SUMF1: variants seen among roughly 807,000 people sequenced by gnomAD.
The protein encoded by SUMF1 is formylglycine-generating enzyme.
A neutral mutation model predicts 47.6 loss-of-function variants in SUMF1; 48 were observed. The ratio of observed to expected loss-of-function variants is 1.01; its 90% CI spans 0.80 to 1.28. The LOEUF (loss-of-function observed/expected upper bound fraction) is 1.28. Ranked by LOEUF, SUMF1 falls within the 50% of genes most tolerant of loss-of-function variation. The pLI, the probability that SUMF1 is intolerant of heterozygous loss-of-function variation, is 0.00. For missense variants in SUMF1, 571 were observed against 485.4 expected, an observed-to-expected ratio of 1.18 and a Z score of -1.66; for synonymous variants, 230 against 192.1, an observed-to-expected ratio of 1.20 and a Z score of -1.63.
At chr3:4,091,094 A>C (rs1445499386) in intron 8 of SUMF1, among the ~76,000 whole-genome samples, 1 of 141,602 alleles carries the variant, frequency 7.1e-6, no homozygotes, top group Non-Finnish European at 1.5e-5. Context: ...CAACAACAAC[A>C]ACAAAAAAAA....
At chr3:4,127,327 T>G (rs1693677420) in intron 8 of SUMF1, among the ~76,000 whole-genome samples, 1 of 152,146 alleles carries the variant, frequency 6.6e-6, no homozygotes, top group Non-Finnish European at 1.5e-5. Context: ...TTGATCGGAA[T>G]GAAGAATACA....
At position 4,423,102 on chromosome 3, in the gene SUMF1, T is replaced by C. The variant is rs571616890; in HGVS notation, c.520-2956A>G. 3.2e-4 allele frequency among the ~76,000 whole-genome samples: 48 copies of C among 152,298 alleles called. 1 individual carries two copies. The highest frequency in any genetic ancestry group is 1.2e-3 in the African/African-American group (48 of 41,574). On this transcript the variant is annotated intron_variant, in intron 3 of 8. Transcript: ENST00000272902. ...AGAGCGTGGAGATTCCCTAAGGAAC[T>C]AAAAGTAGAACTACCACTTGATCCA...
At chr3:4,410,754 A>T in intron 7 of SUMF1, 111 bp downstream of exon 7, 2 of 952,660 alleles carry the variant, frequency 2.1e-6, no homozygotes, top group Non-Finnish European at 3.4e-6. Flanking sequence ...TCCCAAGATT[A>T]ATTTCCAGAG....
chr3:4,267,452 G>T (rs1692885076), intron 8 of SUMF1, among the ~76,000 whole-genome samples: 2 of 152,190 alleles, frequency 1.3e-5, no homozygotes, highest in African/African-American at 4.8e-5. Flanking sequence ...GTTTAGTCTT[G>T]GGAGAGTGTA....
intron 8 of SUMF1, among the ~76,000 whole-genome samples, chr3:4,271,441 C>T (rs1413502375): frequency 6.6e-6 from 1 of 151,528 alleles, no homozygotes; most frequent in Non-Finnish European, 1.5e-5. Flanking sequence ...TAAAAATCTA[C>T]TCTATTCAAA....
chr3:4,393,044 C>T (rs1700926654), intron 7 of SUMF1, among the ~76,000 whole-genome samples: 1 of 152,092 alleles, frequency 6.6e-6, no homozygotes, highest in Non-Finnish European at 1.5e-5. Context: ...TTGGGTCTTC[C>T]CTGCTTATGT....
intron 8 of SUMF1, among the ~76,000 whole-genome samples, chr3:4,257,152 T>G (rs1480717812): frequency 5.8e-5 from 1 of 17,170 alleles, no homozygotes; most frequent in African/African-American, 3.1e-4. Context: ...ACAGCCAATA[T>G]CATACTGAAT....
chr3:4,385,234 G>C (rs1158827409), intron 7 of SUMF1, among the ~76,000 whole-genome samples: 1 of 152,172 alleles, frequency 6.6e-6, no homozygotes, highest in Non-Finnish European at 1.5e-5. Flanking sequence ...CAGAATGGCT[G>C]TACTCTGTCA....
rs1488099357 is a variant in SUMF1 at position 4,351,913 on chromosome 3, C to T, written c.1014+24417G>A. 3.3e-5 allele frequency among the ~76,000 whole-genome samples: 5 copies of T among 152,098 alleles called. No individual in the cohort carries two copies. The East Asian group carries it at 7.7e-4, about 23-fold the overall frequency. ...ATTGTACCTTTTCTAGAAGTACTTG[C>T]ACATAATTTTCAAAATCTGAAGAAG... On this transcript the variant is annotated intron_variant and NMD_transcript_variant, in intron 8 of 12. Transcript: ENST00000448413.
intron 8 of SUMF1, among the ~76,000 whole-genome samples, chr3:4,244,743 C>G (rs1258152961): frequency 3.3e-5 from 5 of 152,038 alleles, no homozygotes; most frequent in African/African-American, 1.2e-4. Context: ...CTTCAGGTTC[C>G]TATTCTCGTG....
rs936047948 is a variant in SUMF1, at chr3:4,165,871, C to CAA, written c.1015-97127_1015-97126insTT. Among the ~76,000 whole-genome samples the CAA allele has an allele frequency of 3.4e-5, 5 of 146,892 alleles. No individual in the cohort carries two copies. In the South Asian group the frequency reaches 7.0e-4, roughly 21 times the overall value. ...TTTTGATTTGTTTGTTTCCCCCCCC[C>CAA]CCCCGAGCAAGAACCTGCAATGGTC... is the stretch of plus-strand genomic sequence containing the variant. On this transcript the variant is annotated intron_variant and NMD_transcript_variant, in intron 8 of 12. Coordinates refer to the SUMF1 transcript ENST00000448413.
At chr3:4,226,054 T>C (rs543865844) in intron 8 of SUMF1, among the ~76,000 whole-genome samples, 6 of 152,000 alleles carry the variant, frequency 3.9e-5, no homozygotes, top group Non-Finnish European at 8.8e-5. Context: ...TCTACCATGA[T>C]TCCCTCAACT....
chr3:4,442,318 C>T (rs952922542), intron 3 of SUMF1, among the ~76,000 whole-genome samples: 2 of 150,564 alleles, frequency 1.3e-5, no homozygotes, highest in Non-Finnish European at 3.0e-5. Context: ...TGCGGTGGCG[C>T]GATCTCGGCT....
intron 8 of SUMF1, among the ~76,000 whole-genome samples, chr3:4,115,174 T>C (rs1296217037): frequency 1.3e-5 from 2 of 152,034 alleles, no homozygotes; most frequent in African/African-American, 4.8e-5. Flanking sequence ...ACCAGTGGAC[T>C]CTGGCAGGCC....
At chr3:4,198,869 GA>G (rs954110369) in intron 8 of SUMF1, among the ~76,000 whole-genome samples, 4 of 147,510 alleles carry the variant, frequency 2.7e-5, no homozygotes, top group African/African-American at 7.5e-5. Flanking sequence ...TGTCCAAAAA[GA>G]AAAAAAAAGA....
At chr3:4,191,345 C>T (rs528038326) in intron 8 of SUMF1, among the ~76,000 whole-genome samples, 24 of 152,144 alleles carry the variant, frequency 1.6e-4, no homozygotes, top group African/African-American at 5.3e-4. Flanking sequence ...AAGAAACAAA[C>T]GAGGTGTGTT....
chr3:4,431,838 G>A (rs751266565), intron 3 of SUMF1, among the ~76,000 whole-genome samples: 1 of 152,120 alleles, frequency 6.6e-6, no homozygotes, highest in Non-Finnish European at 1.5e-5. Context: ...GCATAATTAA[G>A]AGCATCCCAT....
At chr3:4,365,686 T>C (rs1463184792) in intron 8 of SUMF1, among the ~76,000 whole-genome samples, 2 of 146,770 alleles carry the variant, frequency 1.4e-5, no homozygotes, top group Non-Finnish European at 3.0e-5. Context: ...CCAGTCTGTG[T>C]CTTTTAATTG....
At position 4,333,401 on chromosome 3, in the gene SUMF1, T is replaced by C. The variant is rs867284342; in HGVS notation, c.1014+42929A>G. 1.1e-4 allele frequency among the ~76,000 whole-genome samples: 17 copies of C among 152,274 alleles called. 1 individual carries two copies. In the South Asian group the frequency reaches 1.9e-3, roughly 17 times the overall value. On this transcript the variant is annotated intron_variant and NMD_transcript_variant, in intron 8 of 12. Transcript: ENST00000448413. ...CATCCTCAGGGGGGTGTCAGGGAAC[T>C]CACTCTCCCGCCTCATCGGGTGGAA...
Sources: gnomAD v4.1 joint callset for allele counts (sites outside exome capture counted in the v4.1 genomes callset) on GRCh38, gnomAD v4.1.1 for gene constraint, MANE v1.5 for transcripts, NCBI Gene and HGNC (gene_info 2026-07-23, HGNC 2026-07-21) for gene names.